Variants in PCDH15 observed in about 807,000 individuals in gnomAD.
PCDH15 encodes the protein protocadherin-15.
In PCDH15, 129 loss-of-function variants were observed where a neutral mutation model predicts 178.5. The ratio of observed to expected loss-of-function variants is 0.72; its 90% CI spans 0.63 to 0.84. PCDH15 has a LOEUF of 0.84. PCDH15 is among the 40% of genes least tolerant of loss of function. The pLI is 0.00. For synonymous variants in PCDH15, 800 were observed against 732.0 expected (o/e 1.09, Z -1.50); for missense variants, 2,230 against 2,099.9 (o/e 1.06, Z -1.21).
intron 8 of PCDH15, among the ~76,000 whole-genome samples, chr10:54,239,432 T>TATATAGAGAGAGAGAGAGAGAGAGAGAG (rs1554853331): frequency 4.4e-4 from 66 of 150,634 alleles, no homozygotes; most frequent in African/African-American, 1.4e-3. Flanking sequence ...TATATATATA[T>TATATAGAGAGAGAGAGAGAGAGAGAGAG]AGAGTAAGAA....
chr10:54,048,275 T>C (rs570945277), intron 18 of PCDH15, among the ~76,000 whole-genome samples: 3 of 152,272 alleles, frequency 2.0e-5, no homozygotes, highest in Middle Eastern at 3.4e-3. Context: ...GTTGAATTAT[T>C]TTAAGTTCTT....
At chr10:55,431,566 C>A (rs537013841) in intron 2 of PCDH15, among the ~76,000 whole-genome samples, 1 of 152,174 alleles carries the variant, frequency 6.6e-6, no homozygotes, top group African/African-American at 2.4e-5. Flanking sequence ...ATTTGAAATT[C>A]TAAAACTGTT....
chr10:54,538,703 A>T (rs1371361217), intron 2 of PCDH15, among the ~76,000 whole-genome samples: 2 of 152,090 alleles, frequency 1.3e-5, no homozygotes, highest in Non-Finnish European at 2.9e-5. Context: ...GAGTGAATTC[A>T]CACAAGATCT....
chr10:55,578,645 C>T (rs529436345), intron 2 of PCDH15, among the ~76,000 whole-genome samples: 2 of 152,254 alleles, frequency 1.3e-5, no homozygotes, highest in Admixed American at 1.3e-4. Flanking sequence ...AGTTCGTTCT[C>T]ACACTGCTAA....
At chr10:54,075,514 A>T (rs933001414) in intron 17 of PCDH15, among the ~76,000 whole-genome samples, 5 of 152,198 alleles carry the variant, frequency 3.3e-5, no homozygotes, top group African/African-American at 1.2e-4. Context: ...CACAAATTCC[A>T]ACTTGTCTAT....
chr10:54,038,032 T>A (rs1051060193), intron 18 of PCDH15, among the ~76,000 whole-genome samples: 1 of 151,882 alleles, frequency 6.6e-6, no homozygotes, highest in African/African-American at 2.4e-5. Context: ...GATCTCCTCA[T>A]AAAAATGTTC....
chr10:54,558,325 C>A (rs948325809), intron 2 of PCDH15, among the ~76,000 whole-genome samples: 5 of 152,066 alleles, frequency 3.3e-5, no homozygotes, highest in African/African-American at 4.8e-5. Context: ...CAGGAAATTT[C>A]CACAGATCAA....
chr10:54,647,318 T>C (rs565633637), intron 2 of PCDH15, among the ~76,000 whole-genome samples: 3 of 152,006 alleles, frequency 2.0e-5, no homozygotes, highest in East Asian at 1.9e-4. Context: ...AAGCAAAGAA[T>C]AGACTGGTGC....
chr10:54,369,330 T>A lies in PCDH15; in HGVS notation c.319-55A>T, dbSNP rs1290995288. The A allele has an allele frequency of 2.0e-6, 3 of 1,526,618 alleles. No individual in the cohort carries two copies. In the Admixed American group the frequency reaches 5.2e-5, roughly 26 times the overall value. 94.6% of individuals were successfully genotyped at this position (1,526,618 alleles called of 1,614,324 possible). On this transcript the variant is annotated intron_variant, in intron 4 of 37. Coordinates refer to ENST00000644397, the MANE Select transcript of PCDH15 (RefSeq NM_001384140.1). ...TACTAATTAAAAACAAAGCTTCTCA[T>A]CACTGTCAAAGCACTCGTTCATTCA...
intron 18 of PCDH15, among the ~76,000 whole-genome samples, chr10:54,049,758 C>T (rs1335900166): frequency 6.6e-6 from 1 of 151,922 alleles, no homozygotes; most frequent in Non-Finnish European, 1.5e-5. Flanking sequence ...GTAGCTTGCA[C>T]TACAAGCACC....
chr10:54,569,812 T>C (rs576767269), intron 2 of PCDH15, among the ~76,000 whole-genome samples: 1 of 152,266 alleles, frequency 6.6e-6, no homozygotes, highest in East Asian at 1.9e-4. Flanking sequence ...CAAGATTCTT[T>C]TAGTTTCTCA....
At position 54,424,902 on chromosome 10, in the gene PCDH15, T is replaced by G. The variant is rs142999017; in HGVS notation, c.158-45960A>C. ...GAGGGATAGCATTAGGAGATATACC[T>G]AATGTAAATGATGAGTTAATGGGTG... On this transcript the variant is annotated intron_variant, in intron 3 of 37. Coordinates refer to ENST00000644397, the MANE Select transcript of PCDH15 (RefSeq NM_001384140.1). 4.1e-3 allele frequency among the ~76,000 whole-genome samples: 617 copies of G among 149,092 alleles called. 9 individuals are homozygous for G. In the South Asian group the frequency reaches 0.049, roughly 12 times the overall value.
intron 21 of PCDH15, among the ~76,000 whole-genome samples, chr10:53,971,264 A>G (rs2089652760): frequency 6.6e-6 from 1 of 152,162 alleles, no homozygotes; most frequent in Non-Finnish European, 1.5e-5. Flanking sequence ...CTCTCAATAA[A>G]CTAGGTATTG....
chr10:54,600,308 C>T, intron 2 of PCDH15: 2 of 540,084 alleles, frequency 3.7e-6, no homozygotes, highest in Non-Finnish European at 7.2e-6. Flanking sequence ...GATAAAGATT[C>T]CAAGGAATCC....
chr10:54,330,699 T>G (rs940942764), intron 6 of PCDH15, among the ~76,000 whole-genome samples: 6 of 151,944 alleles, frequency 3.9e-5, no homozygotes, highest in Non-Finnish European at 7.4e-5. Context: ...AGTGCTCTGG[T>G]ATAAGCAGCC....
chr10:55,570,486 T>C (rs1464615505), intron 2 of PCDH15, among the ~76,000 whole-genome samples: 2 of 152,036 alleles, frequency 1.3e-5, no homozygotes, highest in African/African-American at 4.8e-5. Flanking sequence ...CTTTCTGATA[T>C]GAAATTTTGA....
chr10:54,412,532 G>T, intron 3 of PCDH15, among the ~76,000 whole-genome samples: 1 of 152,104 alleles, frequency 6.6e-6, no homozygotes, highest in East Asian at 1.9e-4. Context: ...ACCGAAGTTA[G>T]TTGTGATAGT....
intron 37 of PCDH15, chr10:53,808,498 A>G: frequency 2.1e-6 from 3 of 1,396,832 alleles, no homozygotes; most frequent in Non-Finnish European, 2.8e-6. Flanking sequence ...AGTCAGTTTT[A>G]CTCTAATACA....
intron 2 of PCDH15, among the ~76,000 whole-genome samples, chr10:54,530,818 C>T (rs2083829998): frequency 6.6e-6 from 1 of 152,040 alleles, no homozygotes; most frequent in African/African-American, 2.4e-5. Context: ...AGACTCAAAA[C>T]ACAAAATGAA....
Sources: allele counts gnomAD v4.1 joint callset (sites outside exome capture counted in the v4.1 genomes callset), GRCh38; gene constraint gnomAD v4.1.1; transcripts MANE v1.5; gene names NCBI Gene and HGNC (gene_info 2026-07-23, HGNC 2026-07-21).